The following NECAB2 variants were observed in gnomAD, a reference collection of about 807,000 sequenced individuals.
NECAB2 encodes N-terminal EF-hand calcium binding protein 2, also known as N-terminal EF-hand calcium-binding protein 2.
NECAB2 carries 68 observed loss-of-function variants against 51.9 expected under a neutral mutation model. The observed-to-expected ratio is 1.31, with a 90% CI of 1.08 to 1.60. The LOEUF (loss-of-function observed/expected upper bound fraction) is 1.60, where lower values mean the gene tolerates loss of function less well. NECAB2 is among the 40% of genes most tolerant of loss of function. NECAB2 has a pLI of 0.00. For missense variants in NECAB2, 854 were observed against 490.3 expected (o/e 1.74, Z -7.00); for synonymous variants, 329 against 203.5 (o/e 1.62, Z -5.25).
At position 83,994,361 on chromosome 16, in the gene NECAB2, C is replaced by T. The variant is rs79514285; in HGVS notation, c.656C>T (p.Pro219Leu). The change falls in exon 7 of 13, where the codon CCC becomes CTC. Residue 219 changes from proline to leucine, a missense_variant. Transcript: ENST00000305202. ...CAGACCTGGTGTGGAAGCCCCACTC[C>T]CGCCTCTGCCCCCAACCACAAGCTC... is the stretch of plus-strand genomic sequence containing the variant. ...AAQTWCGSPT[P>L]ASAPNHKLMA... The T allele has an allele frequency of 5.9e-4, 953 of 1,614,178 alleles. 9 individuals carry two copies. The African/African-American group carries it at 0.012, about 20-fold the overall frequency.
chr16:84,000,804 G>C lies in NECAB2; in HGVS notation c.1040+3G>C. The C allele has an allele frequency of 6.2e-7, 1 of 1,613,386 alleles. No individual in the cohort carries two copies. The highest frequency in any genetic ancestry group is 8.5e-7 in the Non-Finnish European group (1 of 1,179,856). On this transcript the variant is annotated splice_donor_region_variant and intron_variant, in intron 11 of 12. Transcript: ENST00000305202. ...GAGACAGAGGAGGCGTGGAAGAGGT[G>C]AGATGCTGGGTCCCCACAGCAGGTG...
In NECAB2 at chr16:83,968,553, G is replaced by A. The variant is rs2084313171; in HGVS notation, c.-96G>A. 5.4e-6 allele frequency: 5 copies of A among 928,504 alleles called. No homozygotes were observed. The highest frequency in any genetic ancestry group is 3.6e-5 in the African/African-American group (2 of 55,412). 57.5% of individuals were successfully genotyped at this position (928,504 alleles called of 1,614,324 possible). A position where few individuals can be genotyped will look rare whatever the true frequency, so the allele number is the denominator to read the frequency against. ...CGGGGGCAGCGGGAGAGAGGGCGGG[G>A]CGGCGCGGGCAGCGCGGGGAGGGGG... On this transcript the variant is annotated 5_prime_UTR_variant, in exon 1 of 13. Coordinates refer to ENST00000305202, the MANE Select transcript of NECAB2 (RefSeq NM_019065.3).
intron 2 of NECAB2, among the ~76,000 whole-genome samples, chr16:83,974,398 T>A (rs1480436531): frequency 6.6e-6 from 1 of 152,088 alleles, no homozygotes; most frequent in African/African-American, 2.4e-5. Context: ...ATTGAAGATA[T>A]CAATAAGTCC....
chr16:83,982,388 T>A (rs940400555), intron 5 of NECAB2, among the ~76,000 whole-genome samples: 1 of 152,190 alleles, frequency 6.6e-6, no homozygotes, highest in Admixed American at 6.6e-5. Flanking sequence ...CTTCAAGTAT[T>A]AATCTTTGTA....
chr16:83,983,835 C>T (rs1357906315), intron 5 of NECAB2, among the ~76,000 whole-genome samples: 21 of 152,132 alleles, frequency 1.4e-4, no homozygotes. Context: ...GCTTCTCTAA[C>T]ATAGCATCAT....
At chr16:83,979,689 G>T (rs895899857) in intron 3 of NECAB2, among the ~76,000 whole-genome samples, 27 of 152,100 alleles carry the variant, frequency 1.8e-4, no homozygotes, top group Non-Finnish European at 2.9e-5. Context: ...TAGAGGAGGG[G>T]GTGGAGGCGG....
At chr16:83,965,867 T>G (rs777736242), upstream of NECAB2, 2 of 1,612,918 alleles carry the variant, frequency 1.2e-6, no homozygotes, top group Non-Finnish European at 1.7e-6. Flanking sequence ...CGTGGACCCC[T>G]TCACCTACCA....
In NECAB2 at chr16:83,991,853, G is replaced by A. The variant is rs59938854; in HGVS notation, c.596+1223G>A. On this transcript the variant is annotated intron_variant, in intron 6 of 12. Transcript: ENST00000305202. ...TTTTTTTTTGTAGAGACGGGGTCTC[G>A]CCATGTTGGCCAGGCTGTTCTCAAA... is the stretch of plus-strand genomic sequence containing the variant. 3.1e-3 allele frequency among the ~76,000 whole-genome samples: 421 copies of A among 134,190 alleles called. 7 individuals are homozygous for A. Among genetic ancestry groups the A allele is most frequent in the African/African-American group, 0.012 (394 of 34,180 alleles). The allele number at this position is 134,190 out of a possible 152,430, so 88.0% of individuals were successfully genotyped here.
chr16:83,987,594 C>G (rs771384560), intron 5 of NECAB2, among the ~76,000 whole-genome samples: 1 of 148,034 alleles, frequency 6.8e-6, no homozygotes, highest in Non-Finnish European at 1.5e-5. Context: ...CTATTTCCTG[C>G]TCTTTTACCT....
chr16:83,976,941 C>G (rs1488786029), intron 2 of NECAB2, among the ~76,000 whole-genome samples: 1 of 152,234 alleles, frequency 6.6e-6, no homozygotes, highest in Non-Finnish European at 1.5e-5. Flanking sequence ...ATGACTCATT[C>G]TCAACCCAAG....
At chr16:83,998,449 T>A in intron 10 of NECAB2, 132 bp downstream of exon 10, 1 of 827,746 alleles carries the variant, frequency 1.2e-6, no homozygotes, top group South Asian at 1.7e-5. Context: ...GCTGGATGCG[T>A]AAGAAGTGGG....
chr16:83,998,204 G>T lies in NECAB2; in HGVS notation c.850-1G>T, dbSNP rs149832425. ...ACACTGACTCCTGCTGTGCCCGGCAGCACCTGCAGCTGGTCCGGCAGGAGA... is the reference window on the plus strand; with the variant it reads ...ACACTGACTCCTGCTGTGCCCGGCATCACCTGCAGCTGGTCCGGCAGGAGA... On this transcript the variant is annotated splice_acceptor_variant, in intron 9 of 12. Coordinates refer to ENST00000305202, the MANE Select transcript of NECAB2 (RefSeq NM_019065.3). LOFTEE classifies it high-confidence loss of function. 9.3e-6 allele frequency: 15 copies of T among 1,608,248 alleles called. No individual in the cohort carries two copies. Among genetic ancestry groups the T allele is most frequent in the African/African-American group, 1.3e-5 (1 of 74,936 alleles).
At chr16:84,000,567 G>A (rs2084809564) in intron 10 of NECAB2, among the ~76,000 whole-genome samples, 157 bp from the exon 11 acceptor site, 1 of 152,150 alleles carries the variant, frequency 6.6e-6, no homozygotes, top group Non-Finnish European at 1.5e-5. Context: ...CCTGTGCTGG[G>A]GTCACCCTGT....
At chr16:83,969,062 C>T (rs887191416) in intron 1 of NECAB2, among the ~76,000 whole-genome samples, 1 of 151,502 alleles carries the variant, frequency 6.6e-6, no homozygotes, top group African/African-American at 2.4e-5. Context: ...CCGGGAGACC[C>T]CCCTCCTCCG....
upstream of NECAB2, chr16:83,965,567 A>G (rs2084268696): frequency 6.2e-7 from 1 of 1,612,870 alleles, no homozygotes; most frequent in South Asian, 1.1e-5. Flanking sequence ...GCTGCCCAAG[A>G]TGCTGTACCC....
At chr16:83,989,067 T>C (rs1158892979) in intron 5 of NECAB2, among the ~76,000 whole-genome samples, 2 of 152,250 alleles carry the variant, frequency 1.3e-5, no homozygotes, top group Non-Finnish European at 2.9e-5. Context: ...CGGGTGCTTT[T>C]AACACACTTC....
intron 3 of NECAB2, among the ~76,000 whole-genome samples, chr16:83,980,450 C>G (rs769707703): frequency 6.6e-6 from 1 of 152,170 alleles, no homozygotes; most frequent in East Asian, 1.9e-4. Flanking sequence ...CAGGACCCAG[C>G]AGGCAGGGTC....
chr16:83,982,042 T>C (rs963807267), intron 5 of NECAB2, among the ~76,000 whole-genome samples: 1 of 152,196 alleles, frequency 6.6e-6, no homozygotes. Context: ...ATCCACCTTA[T>C]GAATTACGAA....
intron 5 of NECAB2, among the ~76,000 whole-genome samples, chr16:83,987,222 A>G (rs976885219): frequency 6.6e-6 from 1 of 152,174 alleles, no homozygotes; most frequent in Admixed American, 6.5e-5. Context: ...ATTTTTGCCC[A>G]TTTCAGAGAC....
Sources: gnomAD v4.1 joint callset for allele counts (sites outside exome capture counted in the v4.1 genomes callset) on GRCh38, gnomAD v4.1.1 for gene constraint, MANE v1.5 for transcripts, NCBI Gene and HGNC (gene_info 2026-07-23, HGNC 2026-07-21) for gene names.